The following UPK3B variants were observed in gnomAD, a reference collection of about 807,000 sequenced individuals.
The protein encoded by UPK3B is uroplakin 3B.
UPK3B carries 21 observed loss-of-function variants against 27.6 expected under a neutral mutation model. The ratio of observed to expected loss-of-function variants is 0.76; its 90% CI spans 0.54 to 1.10. The LOEUF is 1.10. Among genes scored for constraint, UPK3B ranks in the 50% least tolerant of loss-of-function variants. The pLI is 0.00. For missense variants in UPK3B, 306 were observed against 376.1 expected (o/e 0.81, Z 1.54); for synonymous variants, 141 against 162.3 (o/e 0.87, Z 1.00).
At position 76,511,579 on chromosome 7, in the gene UPK3B, G is replaced by A; in HGVS notation, c.236-78G>A. ...CATGGGGGGTCAGGGCTGGAGACTG[G>A]GCGAACACAGAACCCCCACTCATAA... On this transcript the variant is annotated intron_variant, in intron 2 of 5. Coordinates refer to ENST00000334348, the MANE Select transcript of UPK3B (RefSeq NM_001347684.2). 9 of 1,387,392 alleles carry A rather than the reference G, an allele frequency of 6.5e-6. 2 individuals are homozygous for A. The highest frequency in any genetic ancestry group is 8.8e-6 in the Non-Finnish European group (9 of 1,018,962). 85.9% of individuals were successfully genotyped at this position (1,387,392 alleles called of 1,614,324 possible). A position where few individuals can be genotyped will look rare whatever the true frequency, so the allele number is the denominator to read the frequency against.
At position 76,510,621 on chromosome 7, in the gene UPK3B, G is replaced by A. The variant is rs1179879736; in HGVS notation, c.-32G>A. Reference sequence around the variant, plus strand: ...GGTGCAGCCCGAAGCAGCCAGACCAGCCCCTGAGCCTCCCGGGTGCTGGCA... The same window carrying A: ...GGTGCAGCCCGAAGCAGCCAGACCAACCCCTGAGCCTCCCGGGTGCTGGCA... On this transcript the variant is annotated 5_prime_UTR_variant, in exon 1 of 6. Coordinates refer to ENST00000334348, the MANE Select transcript of UPK3B (RefSeq NM_001347684.2). 2.1e-6 allele frequency: 3 copies of A among 1,448,216 alleles called. No homozygotes were observed. The highest frequency in any genetic ancestry group is 2.7e-6 in the Non-Finnish European group (3 of 1,094,522). 89.7% of individuals were successfully genotyped at this position (1,448,216 alleles called of 1,614,324 possible). A position where few individuals can be genotyped will look rare whatever the true frequency, so the allele number is the denominator to read the frequency against.
chr7:76,512,018 C>G, intron 3 of UPK3B, 136 bp downstream of exon 3: 1 of 546,518 alleles, frequency 1.8e-6, no homozygotes, highest in South Asian at 3.0e-5. Flanking sequence ...CAAGCCCGGG[C>G]TCCTTCCACT....
chr7:76,514,830 C>T lies in UPK3B; in HGVS notation c.672-215C>T, dbSNP rs1200969157. Among the ~76,000 whole-genome samples, 8 of 150,400 alleles carry T rather than the reference C, an allele frequency of 5.3e-5. No homozygotes were observed. The East Asian group carries it at 9.7e-4, about 18-fold the overall frequency. ...CTGAGGCAGGAGAATCGTTTGAACC[C>T]GGGTGGCGAAGGTTACAGTGAGCTT... On this transcript the variant is annotated intron_variant, in intron 5 of 5. Transcript: ENST00000334348.
intron 3 of UPK3B, among the ~76,000 whole-genome samples, chr7:76,512,141 C>T (rs141410653): frequency 0.062 from 7,573 of 121,990 alleles, no homozygotes; most frequent in Non-Finnish European, 0.071. Context: ...GCAGCTTCCC[C>T]AAAGTCTAGG....
chr7:76,512,550 C>T (rs974364269), intron 3 of UPK3B, among the ~76,000 whole-genome samples: 16 of 135,710 alleles, frequency 1.2e-4, no homozygotes, highest in African/African-American at 4.1e-4. Flanking sequence ...CTCCATGCCC[C>T]GCCCCATCCC....
rs754270720 is a variant in UPK3B, at chr7:76,513,958, G to C, written c.553G>C (p.Gly185Arg). ...PITLHQGKTPGSIDTWPGRRS... is the reference protein window; with the variant it reads ...PITLHQGKTPRSIDTWPGRRS... ...TGGTGTGTGTGCAGGGAAGACCCCC[G>C]GATCCATCGACACCTGGCCAGGGCG... Residue 185 changes from glycine (G) to arginine (R), a missense_variant, in exon 5 of 6, where the codon GGA becomes CGA. Around this residue, in one of 4 missense-constraint regions of UPK3B, gnomAD observed 174 missense variants for 166.6 expected, o/e 1.04. Transcript: ENST00000334348. The C allele has an allele frequency of 4.3e-6, 7 of 1,613,864 alleles. No individual in the cohort carries two copies. Among genetic ancestry groups the C allele is most frequent in the Middle Eastern group, 1.7e-4 (1 of 6,060 alleles).
chr7:76,513,360 C>T (rs57839662), intron 4 of UPK3B, among the ~76,000 whole-genome samples, 197 bp downstream of exon 4: 5,640 of 152,212 alleles, frequency 0.037, 304 homozygotes, highest in African/African-American at 0.13. Context: ...GGCACCATCT[C>T]GGCCCATCCG....
In UPK3B at chr7:76,511,021, T is replaced by C; in HGVS notation, c.204T>C (p.Asp68=). ...TCGATGGGCTTGCCAGCGCCAGCGA[T>C]ACCGTCTGGCTCGTGGTGGCCTTCA... ...CVFDGLASAS[D]TVWLVVAFSN... The change falls in exon 2 of 6, where the codon GAT becomes GAC. Residue 68 remains aspartate, a synonymous_variant. Coordinates refer to ENST00000334348, the MANE Select transcript of UPK3B (RefSeq NM_001347684.2). 6.2e-7 allele frequency: 1 copy of C among 1,601,802 alleles called. No homozygotes were observed. Among genetic ancestry groups the C allele is most frequent in the African/African-American group, 1.3e-5 (1 of 74,864 alleles).
Position 76,515,361 on chromosome 7 carries a change from C to T in UPK3B, c.*157C>T. Reference sequence around the variant, plus strand: ...CCTGCCTGGAATCCCAGCACCAGCCCCCCTGCCTCTCCTCTGCCTTTCTGG... The same window carrying T: ...CCTGCCTGGAATCCCAGCACCAGCCTCCCTGCCTCTCCTCTGCCTTTCTGG... On this transcript the variant is annotated 3_prime_UTR_variant, in exon 6 of 6. Coordinates refer to ENST00000334348, the MANE Select transcript of UPK3B (RefSeq NM_001347684.2). 8 of 1,497,126 alleles carry T rather than the reference C, an allele frequency of 5.3e-6. No homozygotes were observed. Among genetic ancestry groups the T allele is most frequent in the Non-Finnish European group, 7.1e-6 (8 of 1,124,294 alleles). 92.7% of individuals were successfully genotyped at this position (1,497,126 alleles called of 1,614,324 possible).
At chr7:76,515,016 T>G in intron 5 of UPK3B, 29 bp from the exon 6 acceptor site, 1 of 1,550,930 alleles carries the variant, frequency 6.4e-7, no homozygotes, top group Non-Finnish European at 8.7e-7. Context: ...CAGGGACATA[T>G]GTCTCTTCCT....
Position 76,511,745 on chromosome 7 carries a change from C to G in UPK3B, c.324C>G (p.Pro108=), listed in dbSNP as rs772564951. ...LLTDGHYMTL[P]LSPDQLPCGD... ...CCGATGGCCACTACATGACGCTGCC[C>G]CTGTCTCCGGACCAGCTGCCCTGTG... Residue 108 remains proline (P), a synonymous_variant, in exon 3 of 6, where the codon CCC becomes CCG. Transcript: ENST00000334348. The G allele has an allele frequency of 2.7e-5, 43 of 1,611,254 alleles. No individual in the cohort carries two copies. Among genetic ancestry groups the G allele is most frequent in the Non-Finnish European group, 3.6e-5 (42 of 1,179,252 alleles).
chr7:76,514,536 C>G (rs966665799), intron 5 of UPK3B, among the ~76,000 whole-genome samples: 1 of 152,156 alleles, frequency 6.6e-6, no homozygotes, highest in Non-Finnish European at 1.5e-5. Context: ...AGTAAGCTGA[C>G]GCCAGGGTAG....
intron 5 of UPK3B, among the ~76,000 whole-genome samples, chr7:76,514,653 C>T (rs1402718384): frequency 6.6e-6 from 1 of 152,130 alleles, no homozygotes; most frequent in African/African-American, 2.4e-5. Flanking sequence ...TGCCTGTAAT[C>T]CTAGCACTTT....
intron 5 of UPK3B, among the ~76,000 whole-genome samples, chr7:76,514,799 G>A (rs1222106855): frequency 7.9e-5 from 12 of 151,876 alleles, no homozygotes; most frequent in Non-Finnish European, 5.9e-5. Flanking sequence ...CCAGCTACTC[G>A]GGAGGCTGAG....
At position 76,511,889 on chromosome 7, in the gene UPK3B, G is replaced by A. The variant is rs538470349; in HGVS notation, c.461+7G>A. ...CTGGCCCTGGACCCTATCGGTGGGT[G>A]GTCCCCACCGGAGCCCTGGGACTGG... On this transcript the variant is annotated splice_region_variant and intron_variant, in intron 3 of 5. Transcript: ENST00000334348. The A allele has an allele frequency of 3.0e-4, 390 of 1,312,626 alleles. No homozygotes were observed. In the Middle Eastern group the frequency reaches 4.6e-3, roughly 16 times the overall value. 81.3% of individuals were successfully genotyped at this position (1,312,626 alleles called of 1,614,324 possible). A position where few individuals can be genotyped will look rare whatever the true frequency, so the allele number is the denominator to read the frequency against.
chr7:76,514,216 G>A (rs900943528), intron 5 of UPK3B, 140 bp downstream of exon 5: 2 of 1,368,906 alleles, frequency 1.5e-6, no homozygotes, highest in African/African-American at 1.4e-5. Context: ...ATGTTGCCCA[G>A]GCTGGTCTGG....
chr7:76,514,905 C>CA (rs3972800), intron 5 of UPK3B, 140 bp from the exon 6 acceptor site: 19,369 of 962,918 alleles, frequency 0.02, 8 homozygotes, highest in African/African-American at 0.039. Context: ...GACTCCATCT[C>CA]AAAAAAAAAA....
chr7:76,512,755 C>T (rs1483843198), intron 3 of UPK3B, among the ~76,000 whole-genome samples: 36 of 145,148 alleles, frequency 2.5e-4, no homozygotes, highest in African/African-American at 8.7e-4. Context: ...TGACCCCTGC[C>T]CCATGTGCCC....
At chr7:76,514,944 C>T in intron 5 of UPK3B, 101 bp from the exon 6 acceptor site, 1 of 1,268,016 alleles carries the variant, frequency 7.9e-7, no homozygotes, top group Non-Finnish European at 1.1e-6. Flanking sequence ...GAGAGAGAGA[C>T]TACACATGAG....
Sources: gnomAD v4.1 joint callset for allele counts (sites outside exome capture counted in the v4.1 genomes callset) on GRCh38, gnomAD v4.1.1 for gene constraint, gnomAD v4.1.1 regional missense constraint, MANE v1.5 for transcripts, NCBI Gene and HGNC (gene_info 2026-07-23, HGNC 2026-07-21) for gene names.